The following ADRA1B variants were observed in gnomAD, a reference collection of about 807,000 sequenced individuals.
The protein encoded by ADRA1B is adrenoceptor alpha 1B, also known as alpha-1B adrenergic receptor.
In ADRA1B, 17 loss-of-function variants were observed where a neutral mutation model predicts 17.9. The observed-to-expected ratio is 0.95, with a 90% CI of 0.65 to 1.42. ADRA1B has a LOEUF of 1.42. Ranked by LOEUF, ADRA1B falls within the 40% of genes most tolerant of loss-of-function variation. ADRA1B has a pLI of 0.00. For synonymous variants in ADRA1B, 366 were observed against 327.6 expected (o/e 1.12, Z -1.27); for missense variants, 681 against 722.1 (o/e 0.94, Z 0.65).
intron 1 of ADRA1B, among the ~76,000 whole-genome samples, chr5:159,872,238 A>G (rs1430012210): frequency 1.3e-5 from 2 of 152,198 alleles, no homozygotes; most frequent in Admixed American, 6.5e-5. Context: ...GAGTGTGTCT[A>G]TGTTAATGAG....
chr5:159,964,217 A>C (rs1214634065), intron 1 of ADRA1B, among the ~76,000 whole-genome samples: 1 of 152,122 alleles, frequency 6.6e-6, no homozygotes, highest in Non-Finnish European at 1.5e-5. Context: ...TCCAGAGACA[A>C]AGTGGTTCCC....
chr5:159,884,355 C>T (rs1418293949), intron 1 of ADRA1B, among the ~76,000 whole-genome samples: 1 of 152,094 alleles, frequency 6.6e-6, no homozygotes, highest in African/African-American at 2.4e-5. Context: ...GTGGGCTCTG[C>T]CCTCATGCAA....
At chr5:159,950,875 G>T in intron 1 of ADRA1B, 1 of 589,284 alleles carries the variant, frequency 1.7e-6, no homozygotes, top group South Asian at 1.6e-5. Flanking sequence ...TGCCAGTAGA[G>T]GCAGGGGTGA....
intron 1 of ADRA1B, among the ~76,000 whole-genome samples, chr5:159,879,865 G>A (rs772186934): frequency 2.6e-5 from 4 of 152,010 alleles, no homozygotes; most frequent in Non-Finnish European, 4.4e-5. Context: ...GCGTGGTGGC[G>A]GGCGCCTGTA....
chr5:159,950,915 CACA>C, intron 1 of ADRA1B: 1 of 566,418 alleles, frequency 1.8e-6, no homozygotes, highest in Non-Finnish European at 3.4e-6. Context: ...GCCGTCGCAC[CACA>C]GTTTCCCAGA....
chr5:159,971,855 T>TGGGGGGGGGGGGGGGGGGGGGGGG, intron 1 of ADRA1B, 24 bp from the exon 2 acceptor site: 1 of 435,072 alleles, frequency 2.3e-6, no homozygotes, highest in Non-Finnish European at 3.6e-6. Flanking sequence ...TTTCTGCCCG[T>TGGGGGGGGGGGGGGGGGGGGGGGG]GCCCACCCCC....
At chr5:159,987,301 G>A in the ADRA1B span, among the ~76,000 whole-genome samples, 1 of 152,248 alleles carries the variant, frequency 6.6e-6, no homozygotes, top group Admixed American at 6.5e-5. Flanking sequence ...GGGGCGCCCA[G>A]GTGCGCGGGT....
chr5:159,881,176 G>A lies in ADRA1B; in HGVS notation c.-256+15970G>A, dbSNP rs190893527. On this transcript the variant is annotated intron_variant, in intron 1 of 2. Transcript: ENST00000641205. Reference sequence around the variant, plus strand: ...GGCCTGGGCGACAGAGCGAGACTCCGTCTCAAAAAAAAAAAAAAAAAAAAA... The same window carrying A: ...GGCCTGGGCGACAGAGCGAGACTCCATCTCAAAAAAAAAAAAAAAAAAAAA... Among the ~76,000 whole-genome samples the A allele has an allele frequency of 1.7e-4, 15 of 86,948 alleles. No homozygotes were observed. In the East Asian group the frequency reaches 2.3e-3, roughly 13 times the overall value. The allele number at this position is 86,948 out of a possible 152,430, so 57.0% of individuals were successfully genotyped here.
intron 1 of ADRA1B, chr5:159,950,769 G>A: frequency 1.6e-6 from 1 of 621,988 alleles, no homozygotes; most frequent in East Asian, 3.0e-5. Flanking sequence ...GGCAGGTGAG[G>A]TCCATGACTG....
chr5:159,914,245 C>T (rs1345660966), upstream of ADRA1B, among the ~76,000 whole-genome samples: 2 of 152,186 alleles, frequency 1.3e-5, no homozygotes, highest in African/African-American at 2.4e-5. Context: ...TTAATAAAGA[C>T]CCCTGACAGA....
chr5:159,967,040 C>G (rs1253938079), intron 1 of ADRA1B, among the ~76,000 whole-genome samples: 1 of 152,160 alleles, frequency 6.6e-6, no homozygotes, highest in Non-Finnish European at 1.5e-5. Context: ...AGTATGACCC[C>G]ATTTTTTTAA....
At chr5:159,954,666 G>A (rs146085536) in intron 1 of ADRA1B, among the ~76,000 whole-genome samples, 3 of 152,224 alleles carry the variant, frequency 2.0e-5, no homozygotes, top group Non-Finnish European at 2.9e-5. Context: ...AACAGGAATC[G>A]GGGGACTCCA....
chr5:159,865,988 T>C (rs1753647396), intron 1 of ADRA1B, among the ~76,000 whole-genome samples: 2 of 152,206 alleles, frequency 1.3e-5, no homozygotes, highest in Non-Finnish European at 2.9e-5. Context: ...CATTTCAGCT[T>C]TACATAAGTA....
intron 1 of ADRA1B, among the ~76,000 whole-genome samples, chr5:159,943,905 GTC>G (rs746703941): frequency 1.6e-3 from 209 of 134,734 alleles, no homozygotes; most frequent in African/African-American, 5.5e-3. Context: ...CTCTCTCTCT[GTC>G]TCTCTCACAC....
chr5:159,923,514 A>G (rs1230306536), intron 1 of ADRA1B, among the ~76,000 whole-genome samples: 9 of 152,252 alleles, frequency 5.9e-5, no homozygotes, highest in Non-Finnish European at 1.3e-4. Flanking sequence ...TGGGGTTTCT[A>G]AGTAGATGGA....
chr5:159,986,104 T>C, the ADRA1B span, among the ~76,000 whole-genome samples: 1 of 152,210 alleles, frequency 6.6e-6, no homozygotes. Context: ...TGAGGACTAA[T>C]AGACAGATTT....
At chr5:159,870,230 C>G (rs1290748276) in intron 1 of ADRA1B, 1 of 152,166 alleles carries the variant, frequency 6.6e-6, no homozygotes, top group East Asian at 1.9e-4. Flanking sequence ...ATAGACGCAT[C>G]CCTGTACCAG....
chr5:159,932,049 T>C (rs1316729757), intron 1 of ADRA1B, among the ~76,000 whole-genome samples: 2 of 152,260 alleles, frequency 1.3e-5, no homozygotes, highest in Admixed American at 1.3e-4. Flanking sequence ...TAACACAAGT[T>C]GGATCACCCA....
At chr5:159,899,124 G>T (rs1342673193) in intron 1 of ADRA1B, among the ~76,000 whole-genome samples, 1 of 151,462 alleles carries the variant, frequency 6.6e-6, no homozygotes, top group Admixed American at 6.6e-5. Flanking sequence ...TCCAGCCTGG[G>T]TGACAAAGTG....
Sources: allele counts gnomAD v4.1 joint callset (sites outside exome capture counted in the v4.1 genomes callset), GRCh38; gene constraint gnomAD v4.1.1; transcripts MANE v1.5; gene names NCBI Gene and HGNC (gene_info 2026-07-23, HGNC 2026-07-21).